Variants in ABCA9 observed in about 807,000 individuals in gnomAD.
ABCA9 encodes the protein ATP binding cassette subfamily A member 9.
In ABCA9, 183 loss-of-function variants were observed where a neutral mutation model predicts 205.3. The ratio of observed to expected loss-of-function variants is 0.89; its 90% CI spans 0.79 to 1.01. ABCA9 has a LOEUF of 1.01. ABCA9 is among the 50% of genes least tolerant of loss of function. The pLI is 0.00. For missense variants in ABCA9, 1,805 were observed against 1,912.4 expected (o/e 0.94, Z 1.05); for synonymous variants, 651 against 683.3 (o/e 0.95, Z 0.74).
chr17:69,033,160 A>T (rs1214318356), intron 9 of ABCA9: 1 of 152,322 alleles, frequency 6.6e-6, no homozygotes, highest in Non-Finnish European at 1.5e-5. Flanking sequence ...CACAAAAATT[A>T]GCCAGGCATG....
intron 3 of ABCA9, among the ~76,000 whole-genome samples, chr17:69,047,209 A>C (rs10852783): frequency 6.7e-6 from 1 of 150,128 alleles, no homozygotes; most frequent in Non-Finnish European, 1.5e-5. Flanking sequence ...CGCCCACCTC[A>C]GCCTCCCAAA....
At chr17:69,033,303 C>CAAAAAAAAAAAAAAAAAAA (rs374917872) in intron 9 of ABCA9, 1 of 86,832 alleles carries the variant, frequency 1.2e-5, no homozygotes, top group Non-Finnish European at 2.1e-5. Context: ...CGAGACTTCT[C>CAAAAAAAAAAAAAAAAAAA]AAAAAAAAAA....
At chr17:69,069,905 A>C in the ABCA9 span, among the ~76,000 whole-genome samples, 12 of 152,206 alleles carry the variant, frequency 7.9e-5, no homozygotes, top group Non-Finnish European at 1.8e-4. Context: ...AAACATTTCC[A>C]TAACACTTAA....
chr17:68,987,736 G>GTTT (rs1426405231), intron 31 of ABCA9, among the ~76,000 whole-genome samples: 29 of 144,236 alleles, frequency 2.0e-4, no homozygotes, highest in African/African-American at 7.1e-4. Flanking sequence ...CCTCATTTGC[G>GTTT]TTTTTTTTTG....
At position 69,024,248 on chromosome 17, in the gene ABCA9, A is replaced by C. The variant is rs138044644; in HGVS notation, c.2247T>G (p.Tyr749Ter). The part of the protein sequence containing the change: ...LTAQSEEKLV[Y>*]ILPLERTNKF... ...TGTTTGTCCTTTCCAAAGGCAAAAT[A>C]TATACAAGTTTTTCTTCACTTTGTG... The change falls in exon 17 of 39, where the codon TAT becomes TAG. Residue 749 changes from tyrosine (Y) to a stop codon, truncating the protein, a stop_gained. Transcript: ENST00000340001. LOFTEE classifies it high-confidence loss of function. 4.7e-4 allele frequency: 764 copies of C among 1,613,090 alleles called. 1 individual carries two copies. Among genetic ancestry groups the C allele is most frequent in the Non-Finnish European group, 6.2e-4 (728 of 1,179,534 alleles).
At chr17:68,995,819 AT>A in intron 26 of ABCA9, 75 bp downstream of exon 26, 2 of 1,562,730 alleles carry the variant, frequency 1.3e-6, no homozygotes, top group Non-Finnish European at 1.7e-6. Flanking sequence ...GACTCTATCT[AT>A]ATTTTTGCAA....
Position 69,007,805 on chromosome 17 carries a change from C to A in ABCA9, c.3389G>T (p.Arg1130Leu), listed in dbSNP as rs775468594. ...AATGCCACTATTTTTTCTCCCATTG[C>A]GAAAAATGAATGAAATCACATATGT... ...FLTYVISFIFRNGRKNSGIWS... is the reference protein window; with the variant it reads ...FLTYVISFIFLNGRKNSGIWS... The change falls in exon 25 of 39, where the codon CGC (arginine) becomes CTC (leucine). Residue 1130 changes from arginine to leucine, a missense_variant. Physicochemically the swap from Arg to Leu is moderately radical, Grantham distance 102. Coordinates refer to ENST00000340001, the MANE Select transcript of ABCA9 (RefSeq NM_080283.4). The A allele has an allele frequency of 6.2e-7, 1 of 1,610,992 alleles. No homozygotes were observed. The highest frequency in any genetic ancestry group is 8.5e-7 in the Non-Finnish European group (1 of 1,177,818).
intron 37 of ABCA9, among the ~76,000 whole-genome samples, chr17:68,977,546 C>G (rs1043536955): frequency 6.6e-6 from 1 of 152,190 alleles, no homozygotes; most frequent in African/African-American, 2.4e-5. Flanking sequence ...AGCTATAGGT[C>G]TTCAAATTCG....
At chr17:68,990,773 G>T (rs2069423719) in intron 29 of ABCA9, 64 bp downstream of exon 29, 2 of 1,582,990 alleles carry the variant, frequency 1.3e-6, no homozygotes, top group Admixed American at 2.0e-5. Flanking sequence ...ACTAAACTTA[G>T]AAAGTTTCTC....
chr17:69,065,871 G>C (rs942233952), upstream of ABCA9, among the ~76,000 whole-genome samples: 9 of 152,102 alleles, frequency 5.9e-5, no homozygotes, highest in African/African-American at 2.2e-4. Flanking sequence ...TTGTGATAGA[G>C]AGTGAGTTCT....
chr17:69,061,192 A>T, upstream of ABCA9: 1 of 977,778 alleles, frequency 1.0e-6, no homozygotes, highest in Non-Finnish European at 1.2e-6. Flanking sequence ...ACCAAGGAGA[A>T]TCTAGCCTTT....
At chr17:69,051,630 T>G (rs997628246) in intron 1 of ABCA9, 1 of 153,636 alleles carries the variant, frequency 6.5e-6, no homozygotes, top group East Asian at 1.9e-4. Flanking sequence ...CTTTATAATG[T>G]AGATTATTGT....
chr17:68,987,762 GTTTGTTTT>G (rs1190395629), intron 31 of ABCA9, among the ~76,000 whole-genome samples: 10 of 38,262 alleles, frequency 2.6e-4, no homozygotes, highest in Non-Finnish European at 9.1e-4. Context: ...TTGTTTGTTT[GTTTGTTTT>G]TTTGTTTGAG....
Position 69,033,756 on chromosome 17 carries a change from A to ATT in ABCA9, c.1245_1246insAA (p.Leu416AsnfsTer2), listed in dbSNP as rs1156660133. 6.2e-7 allele frequency: 1 copy of ATT among 1,611,218 alleles called. No homozygotes were observed. The highest frequency in any genetic ancestry group is 1.3e-5 in the African/African-American group (1 of 74,862). On this transcript the variant is annotated frameshift_variant, in exon 9 of 39. Transcript: ENST00000340001. LOFTEE classifies it high-confidence loss of function. ...AAAATTTTGTCAAAATATAATGTCA[A>ATT]TACCAAATACAGAAGGGTGTCAAAA...
At chr17:69,071,962 T>C in the ABCA9 span, among the ~76,000 whole-genome samples, 236 of 152,228 alleles carry the variant, frequency 1.6e-3, 1 homozygote, top group African/African-American at 5.4e-3. Flanking sequence ...CAAGTATTAA[T>C]AGCTGAATCG....
chr17:68,992,209 T>A lies in ABCA9; in HGVS notation c.3682A>T (p.Arg1228Trp), dbSNP rs1343664064. 1 of 1,601,806 alleles carries A rather than the reference T, an allele frequency of 6.2e-7. No individual in the cohort carries two copies. Among genetic ancestry groups the A allele is most frequent in the South Asian group, 1.1e-5 (1 of 87,904 alleles). The change falls in exon 28 of 39, where the codon AGG becomes TGG. Residue 1228 changes from arginine (R) to tryptophan (W), a missense_variant. Coordinates refer to ENST00000340001, the MANE Select transcript of ABCA9 (RefSeq NM_080283.4). Reference sequence around the variant, plus strand: ...GGATCCTTTCTCATTAGTTTCTTCCTGCAGTTCATTTCTAGGCATCGCAGA... The same window carrying A: ...GGATCCTTTCTCATTAGTTTCTTCCAGCAGTTCATTTCTAGGCATCGCAGA... ...FILRCLEMNC[R>W]KKLMRKDPVF...
intron 21 of ABCA9, among the ~76,000 whole-genome samples, chr17:69,017,040 C>T (rs1045785242): frequency 6.6e-6 from 1 of 152,044 alleles, no homozygotes; most frequent in Non-Finnish European, 1.5e-5. Flanking sequence ...AACTATTTTA[C>T]TGAGCATACT....
chr17:69,027,188 A>T, intron 14 of ABCA9, 74 bp from the exon 15 acceptor site: 1 of 1,584,986 alleles, frequency 6.3e-7, no homozygotes, highest in East Asian at 2.2e-5. Context: ...TGTACTTTTA[A>T]AAGTATTTGG....
At chr17:69,043,741 T>C (rs746803895) in intron 5 of ABCA9, 26 bp from the exon 6 acceptor site, 3 of 1,537,106 alleles carry the variant, frequency 2.0e-6, no homozygotes, top group East Asian at 2.3e-5. Context: ...AATGAACAAA[T>C]TGTTATCATC....
Sources: allele counts gnomAD v4.1 joint callset (sites outside exome capture counted in the v4.1 genomes callset), GRCh38; gene constraint gnomAD v4.1.1; transcripts MANE v1.5; gene names NCBI Gene and HGNC (gene_info 2026-07-23, HGNC 2026-07-21).